Variants in NEDD4L observed in about 807,000 individuals in gnomAD.
NEDD4L encodes NEDD4 like E3 ubiquitin protein ligase, also known as E3 ubiquitin-protein ligase NEDD4-like.
In NEDD4L, 54 loss-of-function variants were observed where a neutral mutation model predicts 148.9. The observed-to-expected ratio is 0.36, with a 90% confidence interval of 0.29 to 0.45. NEDD4L has a LOEUF of 0.45. NEDD4L is among the 20% of genes least tolerant of loss of function. NEDD4L has a pLI of 1.00. For synonymous variants in NEDD4L, 433 were observed against 440.7 expected (o/e 0.98, Z 0.22); for missense variants, 856 against 1,233.8 (o/e 0.69, Z 4.59).
chr18:58,149,571 T>C, intron 1 of NEDD4L: 1 of 1,528,796 alleles, frequency 6.5e-7, no homozygotes, highest in Non-Finnish European at 8.9e-7. Context: ...TAACACTCGG[T>C]AAGACTTTGC....
intron 1 of NEDD4L, among the ~76,000 whole-genome samples, chr18:58,160,248 A>G (rs902829115): frequency 2.0e-5 from 3 of 152,196 alleles, no homozygotes; most frequent in Admixed American, 2.0e-4. Flanking sequence ...TTTCCAGATG[A>G]CGCTCTCGCA....
At chr18:58,249,199 C>T (rs1037928397) in intron 4 of NEDD4L, among the ~76,000 whole-genome samples, 4 of 152,032 alleles carry the variant, frequency 2.6e-5, no homozygotes, top group African/African-American at 9.7e-5. Context: ...TGAATTCAAA[C>T]CTTTCTTTAA....
intron 18 of NEDD4L, among the ~76,000 whole-genome samples, chr18:58,356,960 C>G (rs1309717106): frequency 1.3e-5 from 2 of 152,034 alleles, no homozygotes; most frequent in African/African-American, 4.8e-5. Flanking sequence ...GATGGTTTAT[C>G]TTTAGTTGTG....
At chr18:58,347,422 G>A (rs1340466566) in intron 16 of NEDD4L, among the ~76,000 whole-genome samples, 4 of 152,112 alleles carry the variant, frequency 2.6e-5, no homozygotes, top group Non-Finnish European at 4.4e-5. Flanking sequence ...CGCTGGTTGT[G>A]GCGTTACCTG....
chr18:58,315,891 C>T, intron 5 of NEDD4L, 91 bp from the exon 6 acceptor site: 6 of 1,155,544 alleles, frequency 5.2e-6, no homozygotes, highest in South Asian at 1.2e-5. Flanking sequence ...GGCCCTGGAC[C>T]TTTGTCTCTA....
intron 24 of NEDD4L, among the ~76,000 whole-genome samples, chr18:58,378,535 A>G (rs1281852562): frequency 6.6e-6 from 1 of 152,192 alleles, no homozygotes; most frequent in African/African-American, 2.4e-5. Flanking sequence ...GAGGGGTGGC[A>G]CCTGGGGAGA....
chr18:58,189,819 C>T (rs1342453677), intron 2 of NEDD4L: 1 of 152,230 alleles, frequency 6.6e-6, no homozygotes, highest in African/African-American at 2.4e-5. Context: ...CCACCTTTCT[C>T]TCCTTACTTC....
chr18:58,050,948 T>A (rs940948243), intron 1 of NEDD4L, among the ~76,000 whole-genome samples: 1 of 152,150 alleles, frequency 6.6e-6, no homozygotes, highest in African/African-American at 2.4e-5. Flanking sequence ...CTTGGGAAAG[T>A]TTGTTTTGGG....
chr18:58,341,897 C>G, intron 15 of NEDD4L, 100 bp downstream of exon 15: 7 of 1,352,560 alleles, frequency 5.2e-6, no homozygotes, highest in Non-Finnish European at 7.2e-6. Context: ...CACCTCCTCT[C>G]TCTGATCAGT....
chr18:58,216,537 G>A (rs1233300013), intron 2 of NEDD4L, among the ~76,000 whole-genome samples: 1 of 151,998 alleles, frequency 6.6e-6, no homozygotes, highest in African/African-American at 2.4e-5. Context: ...AGGAGGAGAT[G>A]GTGGGAGATT....
intron 5 of NEDD4L, among the ~76,000 whole-genome samples, chr18:58,275,885 A>G (rs1421726453): frequency 1.3e-5 from 2 of 152,134 alleles, no homozygotes; most frequent in Non-Finnish European, 2.9e-5. Flanking sequence ...CATTGAAGGT[A>G]GGGGGAGCAT....
intron 5 of NEDD4L, among the ~76,000 whole-genome samples, chr18:58,285,446 A>AG (rs1309487055): frequency 2.0e-5 from 3 of 152,206 alleles, no homozygotes; most frequent in African/African-American, 7.2e-5. Flanking sequence ...TTCCTGCCTT[A>AG]GCCTCCCCAG....
intron 2 of NEDD4L, among the ~76,000 whole-genome samples, chr18:58,199,075 A>G (rs2041091152): frequency 6.6e-6 from 1 of 152,250 alleles, no homozygotes; most frequent in Admixed American, 6.5e-5. Flanking sequence ...TACAGGCATG[A>G]GCCACCACGT....
At chr18:58,249,823 C>T (rs1385727162) in intron 4 of NEDD4L, among the ~76,000 whole-genome samples, 2 of 152,220 alleles carry the variant, frequency 1.3e-5, no homozygotes, top group Non-Finnish European at 2.9e-5. Context: ...CATCTGCTTT[C>T]CATTATGCTC....
intron 2 of NEDD4L, among the ~76,000 whole-genome samples, chr18:58,237,287 A>G (rs1056603473): frequency 2.0e-5 from 3 of 152,166 alleles, no homozygotes; most frequent in African/African-American, 7.2e-5. Context: ...TATCTGAGGA[A>G]TAAAATCAAT....
At chr18:58,076,248 A>C (rs188457196) in intron 1 of NEDD4L, among the ~76,000 whole-genome samples, 95 of 152,316 alleles carry the variant, frequency 6.2e-4, no homozygotes, top group African/African-American at 2.2e-3. Context: ...GGATGTTAGT[A>C]ATTTGAGTTG....
chr18:58,065,238 A>G (rs1027316504), intron 1 of NEDD4L, among the ~76,000 whole-genome samples: 3 of 152,308 alleles, frequency 2.0e-5, no homozygotes, highest in African/African-American at 2.4e-5. Flanking sequence ...GCTCTTTCCA[A>G]TCTTTAGCAA....
chr18:58,376,709 A>G (rs1019169781), intron 24 of NEDD4L, among the ~76,000 whole-genome samples: 1 of 152,216 alleles, frequency 6.6e-6, no homozygotes, highest in Non-Finnish European at 1.5e-5. Context: ...GAATATAAAA[A>G]TGAGCATGTC....
At chr18:58,274,670 C>G (rs933627675) in intron 5 of NEDD4L, among the ~76,000 whole-genome samples, 1 of 152,176 alleles carries the variant, frequency 6.6e-6, no homozygotes, top group Non-Finnish European at 1.5e-5. Context: ...TAGGCCTGCA[C>G]CAAGATCCAG....
Sources: allele counts gnomAD v4.1 joint callset (sites outside exome capture counted in the v4.1 genomes callset), GRCh38; gene constraint gnomAD v4.1.1; transcripts MANE v1.5; gene names NCBI Gene and HGNC (gene_info 2026-07-23, HGNC 2026-07-21).